IGSF21: variants seen among roughly 807,000 people sequenced by gnomAD.
The protein encoded by IGSF21 is immunoglobin superfamily member 21.
IGSF21 carries 28 observed loss-of-function variants against 46.8 expected under a neutral mutation model. That is an observed-to-expected ratio of 0.60 (90% CI 0.44 to 0.82). IGSF21 has a LOEUF of 0.82. Among genes scored for constraint, IGSF21 ranks in the 40% least tolerant of loss-of-function variants. The probability of loss-of-function intolerance (pLI) is 0.00; values close to 1 mark genes in which losing one functional copy is unlikely to be tolerated. For missense variants in IGSF21, 624 were observed against 665.5 expected, an observed-to-expected ratio of 0.94 and a Z score of 0.69; for synonymous variants, 284 against 273.6, an observed-to-expected ratio of 1.04 and a Z score of -0.38.
intron 1 of IGSF21, among the ~76,000 whole-genome samples, chr1:18,159,944 G>A (rs187582739): frequency 1.1e-4 from 17 of 152,314 alleles, no homozygotes; most frequent in Admixed American, 3.3e-4. Flanking sequence ...GCCTCCCAAA[G>A]TGCTGGGATT....
chr1:18,168,646 G>T (rs2086703288), intron 1 of IGSF21, among the ~76,000 whole-genome samples: 1 of 152,136 alleles, frequency 6.6e-6, no homozygotes, highest in Non-Finnish European at 1.5e-5. Flanking sequence ...TGTTGCAAGG[G>T]GCAGGGGATG....
At chr1:18,301,320 TTTTGTTTG>T (rs71575879) in intron 3 of IGSF21, among the ~76,000 whole-genome samples, 8,025 of 150,672 alleles carry the variant, frequency 0.053, 631 homozygotes, top group African/African-American at 0.17. Context: ...ATGGTAATTG[TTTTGTTTG>T]TTTGTTTGTT....
intron 1 of IGSF21, among the ~76,000 whole-genome samples, chr1:18,161,020 T>C (rs989968267): frequency 2.0e-5 from 3 of 152,146 alleles, no homozygotes; most frequent in African/African-American, 7.2e-5. Context: ...TGTAGAGCTT[T>C]AGGCCTCTGT....
At chr1:18,160,004 G>A (rs560773513) in intron 1 of IGSF21, among the ~76,000 whole-genome samples, 9 of 152,254 alleles carry the variant, frequency 5.9e-5, no homozygotes, top group Middle Eastern at 3.4e-3. Flanking sequence ...TATTAGCAAC[G>A]TGAGAACAGA....
At chr1:18,358,263 T>C (rs1459307422) in intron 4 of IGSF21, among the ~76,000 whole-genome samples, 1 of 152,118 alleles carries the variant, frequency 6.6e-6, no homozygotes, top group African/African-American at 2.4e-5. Context: ...AGAAATATAA[T>C]GTAAAGTACA....
intron 1 of IGSF21, among the ~76,000 whole-genome samples, chr1:18,227,648 G>C (rs1378698629): frequency 6.6e-6 from 1 of 151,668 alleles, no homozygotes; most frequent in African/African-American, 2.4e-5. Flanking sequence ...GGTTTGGAGG[G>C]ATCCATTGGA....
chr1:18,206,604 T>C (rs2084330408), intron 1 of IGSF21, among the ~76,000 whole-genome samples: 1 of 150,354 alleles, frequency 6.7e-6, no homozygotes, highest in Non-Finnish European at 1.5e-5. Flanking sequence ...TGCAAAGACC[T>C]TGGTGTGGGA....
intron 1 of IGSF21, among the ~76,000 whole-genome samples, chr1:18,152,979 G>A: frequency 6.6e-6 from 1 of 152,198 alleles, no homozygotes; most frequent in East Asian, 1.9e-4. Context: ...GCCTCCTACA[G>A]CTTCTGCCCA....
At chr1:18,327,204 G>A (rs548045636) in intron 3 of IGSF21, among the ~76,000 whole-genome samples, 11 of 152,310 alleles carry the variant, frequency 7.2e-5, no homozygotes, top group African/African-American at 2.4e-4. Context: ...CACTTAGAAA[G>A]TAGGAATAGG....
intron 3 of IGSF21, among the ~76,000 whole-genome samples, chr1:18,331,201 C>T (rs547116770): frequency 2.0e-5 from 3 of 152,112 alleles, no homozygotes; most frequent in South Asian, 4.1e-4. Context: ...GATTTAGGTG[C>T]GCCCATCACC....
At chr1:18,230,737 A>C (rs1271878495) in intron 2 of IGSF21, among the ~76,000 whole-genome samples, 1 of 151,996 alleles carries the variant, frequency 6.6e-6, no homozygotes, top group Non-Finnish European at 1.5e-5. Flanking sequence ...AGCTGAAGGG[A>C]GAGAGATAAG....
At chr1:18,317,594 T>C (rs1011466514) in intron 3 of IGSF21, among the ~76,000 whole-genome samples, 10 of 152,214 alleles carry the variant, frequency 6.6e-5, no homozygotes, top group Admixed American at 5.9e-4. Context: ...GCACCTTCTC[T>C]CTGGTGCACC....
At chr1:18,121,936 C>CA (rs2086237410) in intron 1 of IGSF21, among the ~76,000 whole-genome samples, 1 of 152,192 alleles carries the variant, frequency 6.6e-6, no homozygotes, top group African/African-American at 2.4e-5. Context: ...GCCAGTCCTC[C>CA]ATCACAGGCA....
rs959332750 is a variant in IGSF21, at chr1:18,233,092, T to G, written c.183+5082T>G. On this transcript the variant is annotated intron_variant, in intron 2 of 9. Transcript: ENST00000251296. ...GGGAGTTTAACCTTTTACAGCAGTT[T>G]TTATCATCCCTCCTTTGTTTTCTCT... 5.3e-5 allele frequency among the ~76,000 whole-genome samples: 8 copies of G among 152,224 alleles called. No individual in the cohort carries two copies. In the East Asian group the frequency reaches 1.5e-3, roughly 29 times the overall value.
At chr1:18,184,986 T>G (rs994983420) in intron 1 of IGSF21, among the ~76,000 whole-genome samples, 2 of 152,228 alleles carry the variant, frequency 1.3e-5, no homozygotes, top group Admixed American at 1.3e-4. Flanking sequence ...ATAGAGTTGT[T>G]GGAAGAATAC....
At chr1:18,108,373 C>A (rs908851289) in intron 1 of IGSF21, among the ~76,000 whole-genome samples, 175 bp downstream of exon 1, 3 of 151,906 alleles carry the variant, frequency 2.0e-5, no homozygotes, top group African/African-American at 7.3e-5. Context: ...TCTTGGAGAG[C>A]GCTCATGGAT....
intron 1 of IGSF21, among the ~76,000 whole-genome samples, chr1:18,133,928 T>G (rs149680485): frequency 3.9e-5 from 6 of 152,372 alleles, no homozygotes; most frequent in Admixed American, 3.9e-4. Flanking sequence ...AAAATGAGAA[T>G]AATAAGAATA....
At chr1:18,271,209 C>T (rs2124545396) in intron 2 of IGSF21, among the ~76,000 whole-genome samples, 1 of 152,290 alleles carries the variant, frequency 6.6e-6, no homozygotes, top group African/African-American at 2.4e-5. Flanking sequence ...CGTAGACATA[C>T]CATTCCATCT....
intron 6 of IGSF21, 88 bp from the exon 7 acceptor site, chr1:18,376,222 T>C: frequency 2.3e-6 from 2 of 886,528 alleles, no homozygotes; most frequent in Non-Finnish European, 3.9e-6. Flanking sequence ...ATCCCAAGGA[T>C]GTTGATTGCT....
Sources: allele counts gnomAD v4.1 joint callset (sites outside exome capture counted in the v4.1 genomes callset), GRCh38; gene constraint gnomAD v4.1.1; transcripts MANE v1.5; gene names NCBI Gene and HGNC (gene_info 2026-07-23, HGNC 2026-07-21).